Variants in GRM5 observed in about 807,000 individuals in gnomAD.
The protein encoded by GRM5 is metabotropic glutamate receptor 5.
A neutral mutation model predicts 83.1 loss-of-function variants in GRM5; 19 were observed. That is an observed-to-expected ratio of 0.23 (90% CI 0.16 to 0.34). The LOEUF is 0.34. Among genes scored for constraint, GRM5 ranks in the 10% least tolerant of loss-of-function variants. The pLI is 1.00. For synonymous variants in GRM5, 675 were observed against 633.6 expected (o/e 1.07, Z -0.98); for missense variants, 1,160 against 1,588.3 (o/e 0.73, Z 4.58).
chr11:88,991,879 C>T (rs1487402059), intron 2 of GRM5, among the ~76,000 whole-genome samples: 2 of 152,084 alleles, frequency 1.3e-5, no homozygotes, highest in Admixed American at 1.3e-4. Context: ...GGATTAAAGA[C>T]TTAAACGTTA....
chr11:88,981,509 G>A (rs776011472), intron 2 of GRM5, among the ~76,000 whole-genome samples: 1 of 152,048 alleles, frequency 6.6e-6, no homozygotes, highest in Admixed American at 6.6e-5. Flanking sequence ...ACATTGGAAT[G>A]GATTACCAAA....
intron 2 of GRM5, among the ~76,000 whole-genome samples, chr11:89,018,872 C>G (rs1221862438): frequency 1.3e-5 from 2 of 152,198 alleles, no homozygotes; most frequent in Non-Finnish European, 2.9e-5. Context: ...TCCCTATATA[C>G]TGCATACCCA....
At chr11:89,014,473 A>G (rs1036669924) in intron 2 of GRM5, among the ~76,000 whole-genome samples, 4 of 152,196 alleles carry the variant, frequency 2.6e-5, no homozygotes, top group East Asian at 1.9e-4. Flanking sequence ...GCCTCTTTCA[A>G]TTGAACTAAT....
At chr11:89,060,614 T>C (rs1941972575) in intron 1 of GRM5, among the ~76,000 whole-genome samples, 1 of 152,150 alleles carries the variant, frequency 6.6e-6, no homozygotes. Context: ...GGGATGAGTC[T>C]GCACCAAGAC....
At chr11:88,833,207 A>G (rs567738829) in intron 3 of GRM5, among the ~76,000 whole-genome samples, 2 of 152,204 alleles carry the variant, frequency 1.3e-5, no homozygotes, top group East Asian at 3.9e-4. Flanking sequence ...TATTTGCACA[A>G]TGTTTCATCT....
intron 4 of GRM5, among the ~76,000 whole-genome samples, chr11:88,644,945 C>T (rs1939398595): frequency 6.6e-6 from 1 of 151,954 alleles, no homozygotes; most frequent in Non-Finnish European, 1.5e-5. Flanking sequence ...ACCAAAGGGT[C>T]ACTTTTATAG....
chr11:88,560,053 G>A (rs1942718405), intron 8 of GRM5, among the ~76,000 whole-genome samples: 1 of 152,198 alleles, frequency 6.6e-6, no homozygotes, highest in African/African-American at 2.4e-5. Flanking sequence ...CCTCTCTAGA[G>A]GCCATAGAGC....
At chr11:88,553,611 G>A (rs75546345) in intron 8 of GRM5, among the ~76,000 whole-genome samples, 1,965 of 152,244 alleles carry the variant, frequency 0.013, 49 homozygotes, top group African/African-American at 0.045. Context: ...AAGATGGATG[G>A]TATAGCACAG....
chr11:88,768,657 C>G (rs1178865040), intron 3 of GRM5, among the ~76,000 whole-genome samples: 2 of 151,578 alleles, frequency 1.3e-5, no homozygotes, highest in African/African-American at 4.8e-5. Context: ...TTAAAAATAG[C>G]CACACCTGAA....
chr11:88,987,031 C>G (rs1565322175), intron 2 of GRM5, among the ~76,000 whole-genome samples: 1 of 151,950 alleles, frequency 6.6e-6, no homozygotes, highest in Non-Finnish European at 1.5e-5. Context: ...AGGAACAGCT[C>G]CGGTCTACAG....
chr11:88,732,627 C>A (rs1401080109), intron 3 of GRM5, among the ~76,000 whole-genome samples: 1 of 151,910 alleles, frequency 6.6e-6, no homozygotes, highest in South Asian at 2.1e-4. Context: ...AGTTTCTTTT[C>A]CTGCTGTTCA....
intron 8 of GRM5, among the ~76,000 whole-genome samples, chr11:88,548,252 A>G (rs1942427383): frequency 6.6e-6 from 1 of 152,234 alleles, no homozygotes; most frequent in Non-Finnish European, 1.5e-5. Context: ...TGCATGCACC[A>G]GATACGGTGC....
At chr11:88,690,831 G>T (rs1164427888) in intron 3 of GRM5, among the ~76,000 whole-genome samples, 3 of 152,138 alleles carry the variant, frequency 2.0e-5, no homozygotes, top group Non-Finnish European at 4.4e-5. Context: ...AGAATTAAAA[G>T]GAAATTCTAT....
chr11:88,761,767 C>A (rs1942521791), intron 3 of GRM5, among the ~76,000 whole-genome samples: 1 of 151,992 alleles, frequency 6.6e-6, no homozygotes. Flanking sequence ...GCAAAAGGAA[C>A]AAAGCCAGAG....
At chr11:88,805,010 T>C (rs1266834512) in intron 3 of GRM5, among the ~76,000 whole-genome samples, 2 of 152,122 alleles carry the variant, frequency 1.3e-5, no homozygotes, top group Admixed American at 1.3e-4. Context: ...AAAAGCTTGA[T>C]TGTAATAAAT....
chr11:88,827,173 T>A (rs1329141190), intron 3 of GRM5, among the ~76,000 whole-genome samples: 2 of 152,208 alleles, frequency 1.3e-5, no homozygotes, highest in South Asian at 4.1e-4. Context: ...TAACTTCAAA[T>A]GCAAGACCTA....
intron 4 of GRM5, among the ~76,000 whole-genome samples, chr11:88,636,899 C>G (rs959474545): frequency 3.9e-5 from 6 of 152,044 alleles, no homozygotes; most frequent in African/African-American, 1.4e-4. Context: ...CTGTTCTGTT[C>G]CATTGATCTA....
rs1942398462 is a variant in GRM5 at position 88,756,615 on chromosome 11, ACT to A, written c.911+93289_911+93290del. On this transcript the variant is annotated intron_variant, in intron 3 of 9. Coordinates refer to ENST00000305447, the MANE Select transcript of GRM5 (RefSeq NM_001143831.3). ...ATTATATAGCAACTATGTTATATAA[ACT>A]CTAAACTATAAATTATAAACTATAA... 2.0e-5 allele frequency among the ~76,000 whole-genome samples: 3 copies of A among 152,262 alleles called. No individual in the cohort carries two copies. In the South Asian group the frequency reaches 6.2e-4, roughly 32 times the overall value.
At chr11:88,895,704 T>C (rs190033461) in intron 2 of GRM5, among the ~76,000 whole-genome samples, 1 of 151,994 alleles carries the variant, frequency 6.6e-6, no homozygotes, top group Non-Finnish European at 1.5e-5. Context: ...TAAACAATAA[T>C]GTCAATATGT....
Sources: gnomAD v4.1 joint callset for allele counts (sites outside exome capture counted in the v4.1 genomes callset) on GRCh38, gnomAD v4.1.1 for gene constraint, MANE v1.5 for transcripts, NCBI Gene and HGNC (gene_info 2026-07-23, HGNC 2026-07-21) for gene names.